The following DIAPH3 variants were observed in gnomAD, a reference collection of about 807,000 sequenced individuals.
DIAPH3 encodes diaphanous related formin 3.
A neutral mutation model predicts 144.3 loss-of-function variants in DIAPH3; 117 were observed. The observed-to-expected ratio is 0.81, with a 90% CI of 0.70 to 0.95. The LOEUF (loss-of-function observed/expected upper bound fraction) is 0.95, where lower values mean the gene tolerates loss of function less well. Ranked by LOEUF, DIAPH3 falls within the 40% of genes least tolerant of loss-of-function variation. The pLI is 0.00. For synonymous variants in DIAPH3, 519 were observed against 488.9 expected (o/e 1.06, Z -0.81); for missense variants, 1,421 against 1,412.7 (o/e 1.01, Z -0.09).
At chr13:59,995,100 T>C (rs2052108684) in intron 9 of DIAPH3, among the ~76,000 whole-genome samples, 1 of 151,810 alleles carries the variant, frequency 6.6e-6, no homozygotes, top group African/African-American at 2.4e-5. Context: ...TTAGCAGACA[T>C]ACAAAATGTA....
At chr13:59,670,671 C>G (rs1287346511) in intron 27 of DIAPH3, among the ~76,000 whole-genome samples, 1 of 151,702 alleles carries the variant, frequency 6.6e-6, no homozygotes, top group African/African-American at 2.4e-5. Flanking sequence ...CAAGCTCCAC[C>G]TCCCGGGTTC....
chr13:59,839,532 G>A (rs2042227121), intron 22 of DIAPH3, 84 bp from the exon 23 acceptor site: 2 of 1,263,530 alleles, frequency 1.6e-6, no homozygotes, highest in Non-Finnish European at 2.2e-6. Context: ...AAACATTCAT[G>A]AAAACAACTC....
chr13:59,774,757 T>C lies in DIAPH3; in HGVS notation c.3230A>G (p.Asp1077Gly), dbSNP rs760029457. 1 of 1,614,154 alleles carries C rather than the reference T, an allele frequency of 6.2e-7. No homozygotes were observed. The highest frequency in any genetic ancestry group is 1.1e-5 in the South Asian group (1 of 91,082). ...EALQSGAAFR[D>G]RRKRTPMPKD... ...TGGCATCGGTGTCCTTTTTCTTCTGTCGCGGAAGGCAGCCCCGGACTGCAA... is the reference window on the plus strand; with the variant it reads ...TGGCATCGGTGTCCTTTTTCTTCTGCCGCGGAAGGCAGCCCCGGACTGCAA... The change falls in exon 26 of 28, where the codon GAC becomes GGC. Residue 1077 changes from aspartate (D) to glycine (G), a missense_variant. Transcript: ENST00000400324.
chr13:59,790,886 TA>T (rs1475692190), intron 25 of DIAPH3, among the ~76,000 whole-genome samples: 1 of 152,160 alleles, frequency 6.6e-6, no homozygotes, highest in Non-Finnish European at 1.5e-5. Flanking sequence ...TCCACAACTA[TA>T]AAAAGCTGAC....
At chr13:59,721,342 T>C (rs1303090057) in intron 27 of DIAPH3, among the ~76,000 whole-genome samples, 1 of 152,226 alleles carries the variant, frequency 6.6e-6, no homozygotes, top group Non-Finnish European at 1.5e-5. Flanking sequence ...GGTTTCATTT[T>C]TCATGTCTTG....
At chr13:59,818,072 C>T (rs341524) in intron 24 of DIAPH3, among the ~76,000 whole-genome samples, 112,145 of 151,738 alleles carry the variant, frequency 0.74, 41,796 homozygotes, top group East Asian at 0.88. Context: ...AGATTGACCA[C>T]GTATTTTGTA....
At position 59,666,374 on chromosome 13, in the gene DIAPH3, G is replaced by T; in HGVS notation, c.*210C>A. The T allele has an allele frequency of 9.9e-6, 4 of 404,634 alleles. No homozygotes were observed. Among genetic ancestry groups the T allele is most frequent in the South Asian group, 4.2e-5 (1 of 23,754 alleles). The allele number at this position is 404,634 out of a possible 1,614,324, so 25.1% of individuals were successfully genotyped here. A position where few individuals can be genotyped will look rare whatever the true frequency, so the allele number is the denominator to read the frequency against. ...CCAGGAGACAAAAAAAAAAAAAAAA[G>T]GATTAAAGCCCGGTACAATCTTGAA... On this transcript the variant is annotated 3_prime_UTR_variant, in exon 28 of 28. Transcript: ENST00000400324.
chr13:59,845,534 CT>C (rs931422002), intron 22 of DIAPH3, among the ~76,000 whole-genome samples: 9 of 152,150 alleles, frequency 5.9e-5, no homozygotes, highest in Non-Finnish European at 1.2e-4. Context: ...AAAGCCCCAC[CT>C]ACAACCTGGG....
chr13:60,100,131 A>T (rs556215790), intron 3 of DIAPH3, among the ~76,000 whole-genome samples: 1 of 152,322 alleles, frequency 6.6e-6, no homozygotes, highest in South Asian at 2.1e-4. Context: ...CTCCTTAATT[A>T]TAGAGGGGAA....
At chr13:60,023,586 A>C (rs560753532) in intron 5 of DIAPH3, among the ~76,000 whole-genome samples, 14 of 151,708 alleles carry the variant, frequency 9.2e-5, no homozygotes, top group Non-Finnish European at 2.1e-4. Flanking sequence ...GGCACGCACC[A>C]CCATGCCTGG....
At chr13:59,790,801 T>C (rs1183826366) in intron 25 of DIAPH3, among the ~76,000 whole-genome samples, 1 of 151,918 alleles carries the variant, frequency 6.6e-6, no homozygotes, top group Non-Finnish European at 1.5e-5. Context: ...ATGAACTCAT[T>C]AACAATTGTA....
intron 27 of DIAPH3, among the ~76,000 whole-genome samples, chr13:59,692,415 C>A (rs1220469703): frequency 1.7e-4 from 26 of 150,700 alleles, no homozygotes; most frequent in African/African-American, 4.9e-4. Context: ...CCCAACCCCC[C>A]CATCCCCCGA....
chr13:60,071,150 C>T (rs144217431), intron 4 of DIAPH3, among the ~76,000 whole-genome samples: 1 of 152,252 alleles, frequency 6.6e-6, no homozygotes, highest in African/African-American at 2.4e-5. Context: ...TAGCCTTAAC[C>T]TTAACCTCAG....
At chr13:59,859,897 T>G (rs964688748) in intron 22 of DIAPH3, among the ~76,000 whole-genome samples, 1 of 152,104 alleles carries the variant, frequency 6.6e-6, no homozygotes, top group Non-Finnish European at 1.5e-5. Flanking sequence ...TCTATAACTA[T>G]ATATATGGGA....
Position 59,937,424 on chromosome 13 carries a change from T to C in DIAPH3, c.2075-12554A>G, listed in dbSNP as rs533345875. On this transcript the variant is annotated intron_variant, in intron 17 of 27. Transcript: ENST00000400324. Reference sequence around the variant, plus strand: ...CACAGGTAATTCAGGATCTCTAGCATGGTGTCGAATGGAAAGAGTTGATAA... The same window carrying C: ...CACAGGTAATTCAGGATCTCTAGCACGGTGTCGAATGGAAAGAGTTGATAA... 2.6e-5 allele frequency among the ~76,000 whole-genome samples: 4 copies of C among 152,320 alleles called. No individual in the cohort carries two copies. The East Asian group carries it at 5.8e-4, about 22-fold the overall frequency.
intron 27 of DIAPH3, among the ~76,000 whole-genome samples, chr13:59,691,154 G>T (rs2033497307): frequency 6.6e-6 from 1 of 152,088 alleles, no homozygotes; most frequent in Non-Finnish European, 1.5e-5. Flanking sequence ...AGGAAGGCAG[G>T]ATGGCTGTTA....
intron 8 of DIAPH3, among the ~76,000 whole-genome samples, chr13:60,009,535 A>T (rs1475435654): frequency 6.6e-6 from 1 of 152,214 alleles, no homozygotes; most frequent in Non-Finnish European, 1.5e-5. Flanking sequence ...GTCCACATAA[A>T]TTTCACTCTT....
chr13:59,791,331 G>T (rs1289226304), intron 25 of DIAPH3, among the ~76,000 whole-genome samples: 3 of 152,152 alleles, frequency 2.0e-5, no homozygotes, highest in African/African-American at 7.2e-5. Flanking sequence ...ATTTAAATAT[G>T]AATTAAGACA....
chr13:59,699,502 G>A (rs2033988421), intron 27 of DIAPH3, among the ~76,000 whole-genome samples: 1 of 152,186 alleles, frequency 6.6e-6, no homozygotes, highest in Non-Finnish European at 1.5e-5. Context: ...CATCCAATCT[G>A]ACTTACTAAT....
Sources: gnomAD v4.1 joint callset for allele counts (sites outside exome capture counted in the v4.1 genomes callset) on GRCh38, gnomAD v4.1.1 for gene constraint, MANE v1.5 for transcripts, NCBI Gene and HGNC (gene_info 2026-07-23, HGNC 2026-07-21) for gene names.